The following TNRC6B variants were observed in gnomAD, a reference collection of about 807,000 sequenced individuals.
TNRC6B encodes trinucleotide repeat containing adaptor 6B, also known as trinucleotide repeat-containing gene 6B protein.
A neutral mutation model predicts 203.6 loss-of-function variants in TNRC6B; 52 were observed. The ratio of observed to expected loss-of-function variants is 0.26; its 90% CI spans 0.20 to 0.32. The LOEUF (loss-of-function observed/expected upper bound fraction) is 0.32. Ranked by LOEUF, TNRC6B falls within the 10% of genes least tolerant of loss-of-function variation. The pLI is 1.00. For missense variants in TNRC6B, 1,923 were observed against 2,286.2 expected (o/e 0.84, Z 3.24); for synonymous variants, 838 against 845.7 (o/e 0.99, Z 0.16).
intron 1 of TNRC6B, among the ~76,000 whole-genome samples, chr22:40,244,184 A>C (rs1006748046): frequency 6.6e-6 from 1 of 152,240 alleles, no homozygotes; most frequent in Non-Finnish European, 1.5e-5. Flanking sequence ...ATCAACATCC[A>C]TCTTACCAGT....
chr22:40,266,239 C>T lies in TNRC6B; in HGVS notation c.2009C>T (p.Pro670Leu). 1 of 1,601,670 alleles carries T rather than the reference C, an allele frequency of 6.2e-7. No homozygotes were observed. Among genetic ancestry groups the T allele is most frequent in the Non-Finnish European group, 8.5e-7 (1 of 1,173,648 alleles). ...TKNSGGWGDA[P>L]SQSNQMKSGW... is the part of the protein sequence containing the mutation. Reference sequence around the variant, plus strand: ...AACTCAGGGGGCTGGGGAGATGCACCCAGCCAAAGCAATCAAATGAAGTCT... The same window carrying T: ...AACTCAGGGGGCTGGGGAGATGCACTCAGCCAAAGCAATCAAATGAAGTCT... The change falls in exon 5 of 23, where the codon CCC (proline) becomes CTC (leucine). Residue 670 changes from proline (P) to leucine (L), a missense_variant. This residue lies in a region of TNRC6B where 599 missense variants were observed against 656.5 expected (regional missense o/e 0.91). Coordinates refer to ENST00000454349, the MANE Select transcript of TNRC6B (RefSeq NM_001162501.2).
chr22:40,228,957 G>A (rs2069830072), intron 1 of TNRC6B, among the ~76,000 whole-genome samples: 1 of 152,130 alleles, frequency 6.6e-6, no homozygotes, highest in African/African-American at 2.4e-5. Context: ...GGTGTGAGGT[G>A]ATGTTAAAGA....
intron 3 of TNRC6B, among the ~76,000 whole-genome samples, chr22:40,141,345 A>T (rs2068643241): frequency 6.6e-6 from 1 of 151,202 alleles, no homozygotes; most frequent in East Asian, 2.0e-4. Flanking sequence ...AGTTGGGACT[A>T]CAGGCACGCA....
rs139908 is a variant in TNRC6B, at chr22:40,301,172, TGCAGCAGCAGCA to T, written c.3973_3984del (p.Gln1325_Gln1328del). On this transcript the variant is annotated inframe_deletion, in exon 15 of 23. Coordinates refer to ENST00000454349, the MANE Select transcript of TNRC6B (RefSeq NM_001162501.2). ...CAGCTGGCTCGAATGGTGAGTGCAC[TGCAGCAGCAGCA>T]GCAGCAGCAGCAGAGGCAGCCAGGC... 13 of 1,545,968 alleles carry T rather than the reference TGCAGCAGCAGCA, an allele frequency of 8.4e-6. No individual in the cohort carries two copies. The highest frequency in any genetic ancestry group is 3.6e-5 in the South Asian group (3 of 83,602).
intron 15 of TNRC6B, among the ~76,000 whole-genome samples, chr22:40,303,872 C>T (rs1005669477): frequency 1.3e-5 from 2 of 152,220 alleles, no homozygotes; most frequent in Middle Eastern, 3.2e-3. Flanking sequence ...GATCATGCCA[C>T]TGCACTCCAG....
intron 1 of TNRC6B, among the ~76,000 whole-genome samples, chr22:40,220,364 C>T (rs140605696): frequency 6.6e-6 from 1 of 152,286 alleles, no homozygotes; most frequent in African/African-American, 2.4e-5. Flanking sequence ...GTGCATTTTC[C>T]ATTCCCTTTG....
chr22:40,163,285 G>T (rs1360704117), intron 4 of TNRC6B, among the ~76,000 whole-genome samples: 1 of 149,480 alleles, frequency 6.7e-6, no homozygotes, highest in East Asian at 2.0e-4. Context: ...GTGTTGTTGT[G>T]TGCCGGTAGT....
At chr22:40,138,775 G>C (rs554608252) in intron 3 of TNRC6B, among the ~76,000 whole-genome samples, 8 of 152,212 alleles carry the variant, frequency 5.3e-5, no homozygotes, top group African/African-American at 1.9e-4. Context: ...ATTTCAGACT[G>C]TGTCCAACCT....
intron 4 of TNRC6B, among the ~76,000 whole-genome samples, chr22:40,162,741 T>G (rs1287512598): frequency 6.6e-6 from 1 of 152,222 alleles, no homozygotes; most frequent in Non-Finnish European, 1.5e-5. Flanking sequence ...AACTCAATCA[T>G]TATTACACAG....
At chr22:40,154,710 G>A (rs1195230268) in intron 3 of TNRC6B, among the ~76,000 whole-genome samples, 11 of 147,790 alleles carry the variant, frequency 7.4e-5, no homozygotes, top group South Asian at 4.3e-4. Flanking sequence ...GCATAGTGGC[G>A]GGTACCTGTA....
At chr22:40,213,310 G>A (rs1284381992) in intron 1 of TNRC6B, among the ~76,000 whole-genome samples, 1 of 152,156 alleles carries the variant, frequency 6.6e-6, no homozygotes, top group African/African-American at 2.4e-5. Context: ...GCAGTGAGAG[G>A]CCATCAGGGA....
At chr22:40,215,593 G>A (rs1462329263) in intron 1 of TNRC6B, among the ~76,000 whole-genome samples, 2 of 152,252 alleles carry the variant, frequency 1.3e-5, no homozygotes, top group South Asian at 4.1e-4. Context: ...GTCCATCTTC[G>A]CTGCATCCTC....
In TNRC6B at chr22:40,266,061, A is replaced by G. The variant is rs755527200; in HGVS notation, c.1831A>G (p.Thr611Ala). The G allele has an allele frequency of 9.3e-6, 15 of 1,613,634 alleles. No homozygotes were observed. The highest frequency in any genetic ancestry group is 5.0e-5 in the Admixed American group (3 of 60,004). Residue 611 changes from threonine to alanine, a missense_variant, in exon 5 of 23, where the codon ACT becomes GCT. Thr to Ala is a moderately conservative substitution (Grantham distance 58, BLOSUM62 0). Around this residue, in one of 8 missense-constraint regions of TNRC6B, gnomAD observed 38 missense variants for 70.3 expected, o/e 0.54. Coordinates refer to ENST00000454349, the MANE Select transcript of TNRC6B (RefSeq NM_001162501.2). ...TGTCTTGCAGACTCTTTTGAGCCGA[A>G]CTGATTTGGACCCCAGGGTGCTCTC... ...QAVLQTLLSRTDLDPRVLSNT... is the reference protein window; with the variant it reads ...QAVLQTLLSRADLDPRVLSNT...
At chr22:40,297,686 G>T (rs1052787734) in intron 12 of TNRC6B, among the ~76,000 whole-genome samples, 2 of 151,862 alleles carry the variant, frequency 1.3e-5, no homozygotes, top group African/African-American at 4.8e-5. Context: ...GCTGGGTGTG[G>T]TGGTGCGTGC....
intron 3 of TNRC6B, among the ~76,000 whole-genome samples, chr22:40,155,912 A>G (rs535973560): frequency 2.6e-5 from 4 of 152,226 alleles, no homozygotes; most frequent in African/African-American, 9.6e-5. Context: ...TGTCAGAGTT[A>G]TGTGTTTTGC....
intron 16 of TNRC6B, among the ~76,000 whole-genome samples, chr22:40,309,369 GGC>G (rs1337669989): frequency 6.6e-6 from 1 of 152,226 alleles, no homozygotes; most frequent in African/African-American, 2.4e-5. Flanking sequence ...GCAGCGCCCT[GGC>G]AGGCCCCAGC....
rs2071439864 is a variant in TNRC6B at position 40,329,351 on chromosome 22, T to G, written c.*6110T>G. ...AGATTTCCAGAGTTAGTGCAGACCC[T>G]GTGATAACAGTCTGTGGGTTTGTGG... On this transcript the variant is annotated 3_prime_UTR_variant, in exon 23 of 23. Transcript: ENST00000454349. The G allele has an allele frequency of 6.6e-6, 1 of 152,206 alleles. No homozygotes were observed. Among genetic ancestry groups the G allele is most frequent in the Non-Finnish European group, 1.5e-5 (1 of 68,048 alleles). 9.4% of individuals were successfully genotyped at this position (152,206 alleles called of 1,614,324 possible). A position where few individuals can be genotyped will look rare whatever the true frequency, so the allele number is the denominator to read the frequency against.
chr22:40,114,260 T>A (rs959138065), intron 1 of TNRC6B, among the ~76,000 whole-genome samples: 7 of 152,208 alleles, frequency 4.6e-5, no homozygotes, highest in Non-Finnish European at 1.0e-4. Context: ...CTAGGAAAGA[T>A]TTAGTTCTAA....
intron 15 of TNRC6B, among the ~76,000 whole-genome samples, chr22:40,303,088 C>A (rs1413619322): frequency 7.5e-6 from 1 of 133,424 alleles, no homozygotes; most frequent in Non-Finnish European, 1.6e-5. Context: ...CTCACTCTGT[C>A]GCCCAACCTC....
Sources: allele counts gnomAD v4.1 joint callset (sites outside exome capture counted in the v4.1 genomes callset), GRCh38; gene constraint gnomAD v4.1.1; regional missense constraint gnomAD v4.1.1; transcripts MANE v1.5; gene names NCBI Gene and HGNC (gene_info 2026-07-23, HGNC 2026-07-21).